EZH1: variants seen among roughly 807,000 people sequenced by gnomAD.
EZH1 encodes histone-lysine N-methyltransferase EZH1.
In EZH1, 33 loss-of-function variants were observed where a neutral mutation model predicts 100.5. The observed-to-expected ratio is 0.33, with a 90% CI of 0.25 to 0.44. The LOEUF (loss-of-function observed/expected upper bound fraction) is 0.44. Ranked by LOEUF, EZH1 falls within the 20% of genes least tolerant of loss-of-function variation. The pLI is 1.00. For missense variants in EZH1, 475 were observed against 928.4 expected, an observed-to-expected ratio of 0.51 and a Z score of 6.35; for synonymous variants, 272 against 313.8, an observed-to-expected ratio of 0.87 and a Z score of 1.41.
intron 2 of EZH1, among the ~76,000 whole-genome samples, chr17:42,730,557 C>T (rs1034332604): frequency 1.7e-5 from 2 of 115,666 alleles, no homozygotes; most frequent in Non-Finnish European, 1.6e-5. Flanking sequence ...AGTGCAGTGG[C>T]GCGATCTCGG....
intron 1 of EZH1, among the ~76,000 whole-genome samples, chr17:42,741,543 C>A (rs1366699324): frequency 1.3e-5 from 2 of 152,034 alleles, no homozygotes; most frequent in Non-Finnish European, 2.9e-5. Flanking sequence ...TAATCTAAGA[C>A]CAGAAAAAGA....
chr17:42,736,178 C>T (rs909013003), intron 1 of EZH1, among the ~76,000 whole-genome samples: 3 of 152,136 alleles, frequency 2.0e-5, no homozygotes, highest in African/African-American at 4.8e-5. Context: ...TTGGTGAGGA[C>T]GTGAAGCAAC....
intron 1 of EZH1, among the ~76,000 whole-genome samples, chr17:42,737,917 C>G (rs141327888): frequency 1.3e-5 from 2 of 152,216 alleles, no homozygotes; most frequent in East Asian, 3.9e-4. Flanking sequence ...TGGCTCACGC[C>G]TGCAATCACA....
At chr17:42,707,025 C>T (rs2053367757) in intron 15 of EZH1, among the ~76,000 whole-genome samples, 1 of 152,120 alleles carries the variant, frequency 6.6e-6, no homozygotes, top group South Asian at 2.1e-4. Context: ...TGCCATCAAA[C>T]TGCTCAGCTT....
intron 1 of EZH1, among the ~76,000 whole-genome samples, chr17:42,739,370 C>A (rs1202131800): frequency 6.6e-6 from 1 of 152,158 alleles, no homozygotes; most frequent in Non-Finnish European, 1.5e-5. Context: ...CTAACAGGAA[C>A]CTGTGACTCT....
chr17:42,713,163 A>G, intron 11 of EZH1, 46 bp downstream of exon 11: 1 of 1,583,886 alleles, frequency 6.3e-7, no homozygotes, highest in Non-Finnish European at 8.6e-7. Flanking sequence ...GGTTTACCAG[A>G]GTCCTTGCAT....
In EZH1 at chr17:42,713,341, A is replaced by C. The variant is rs987962156; in HGVS notation, c.1072T>G (p.Ser358Ala). 46 of 1,611,608 alleles carry C rather than the reference A, an allele frequency of 2.9e-5. No individual in the cohort carries two copies. Among genetic ancestry groups the C allele is most frequent in the Non-Finnish European group, 3.7e-5 (44 of 1,177,970 alleles). Residue 358 changes from serine to alanine, a missense_variant, in exon 11 of 21, where the codon TCT becomes GCT. Coordinates refer to ENST00000428826, the MANE Select transcript of EZH1 (RefSeq NM_001991.5). Reference sequence around the variant, plus strand: ...TGGTGCCTTCTCCGGCGACGACCAGAGCACTTGGAGCGGGGGTTGTGGAGC... The same window carrying C: ...TGGTGCCTTCTCCGGCGACGACCAGCGCACTTGGAGCGGGGGTTGTGGAGC... ...AMLHNPRSKC[S>A]GRRRRRHHIV...
At chr17:42,703,458 G>C (rs1040985149) in intron 19 of EZH1, 1 of 397,426 alleles carries the variant, frequency 2.5e-6, no homozygotes. Context: ...GATTACAGGC[G>C]TAAGCCACCA....
intron 14 of EZH1, 151 bp downstream of exon 14, chr17:42,708,725 A>C: frequency 1.2e-6 from 1 of 810,628 alleles, no homozygotes; most frequent in Non-Finnish European, 2.1e-6. Context: ...AGTTGCAGTG[A>C]GAGGCTCAGC....
At chr17:42,708,163 A>G (rs763598141) in intron 14 of EZH1, 80 bp from the exon 15 acceptor site, 2 of 1,488,164 alleles carry the variant, frequency 1.3e-6, no homozygotes, top group Non-Finnish European at 1.8e-6. Flanking sequence ...AGCTGCCCTG[A>G]TTCAGAGGAG....
intron 20 of EZH1, 51 bp downstream of exon 20, chr17:42,702,826 A>G (rs1426997671): frequency 6.3e-7 from 1 of 1,588,234 alleles, no homozygotes; most frequent in South Asian, 1.1e-5. Context: ...TCCAACAGCC[A>G]CTCTTTCCAA....
At chr17:42,743,041 T>A (rs1017998652) in intron 1 of EZH1, among the ~76,000 whole-genome samples, 1 of 152,066 alleles carries the variant, frequency 6.6e-6, no homozygotes, top group East Asian at 1.9e-4. Context: ...AGCTAATTCT[T>A]GTATTTTTGT....
At chr17:42,736,632 C>T (rs1393683253) in intron 1 of EZH1, among the ~76,000 whole-genome samples, 4 of 152,086 alleles carry the variant, frequency 2.6e-5, no homozygotes, top group Admixed American at 6.6e-5. Flanking sequence ...ATCAGGAGTT[C>T]GAGACCAGCC....
intron 20 of EZH1, 22 bp downstream of exon 20, chr17:42,702,855 A>C: frequency 6.2e-7 from 1 of 1,612,754 alleles, no homozygotes. Context: ...CCACATCCCA[A>C]GGACCATTAC....
intron 12 of EZH1, 104 bp from the exon 13 acceptor site, chr17:42,710,041 C>G: frequency 1.1e-6 from 1 of 882,770 alleles, no homozygotes; most frequent in Non-Finnish European, 1.9e-6. Flanking sequence ...ACTCAGGCAG[C>G]TGACCAAGCC....
chr17:42,739,456 G>GT (rs1374426375), intron 1 of EZH1, among the ~76,000 whole-genome samples: 2 of 152,118 alleles, frequency 1.3e-5, no homozygotes, highest in East Asian at 3.9e-4. Flanking sequence ...GATCAGCTGG[G>GT]TGCAGTAGCT....
chr17:42,733,393 G>C (rs1568005196), intron 1 of EZH1, among the ~76,000 whole-genome samples: 1 of 150,712 alleles, frequency 6.6e-6, no homozygotes, highest in East Asian at 2.0e-4. Context: ...ATCCCAGCCA[G>C]CACTTTGGGT....
At chr17:42,715,623 AG>A (rs2053587363) in intron 10 of EZH1, among the ~76,000 whole-genome samples, 1 of 152,182 alleles carries the variant, frequency 6.6e-6, no homozygotes, top group African/African-American at 2.4e-5. Flanking sequence ...AGGAGACAGA[AG>A]AACACAGAAA....
chr17:42,717,133 T>A (rs1487045736), intron 10 of EZH1, among the ~76,000 whole-genome samples: 1 of 152,156 alleles, frequency 6.6e-6, no homozygotes, highest in Non-Finnish European at 1.5e-5. Context: ...TTCCTCTACC[T>A]CATGACACTG....
Sources: gnomAD v4.1 joint callset for allele counts (sites outside exome capture counted in the v4.1 genomes callset) on GRCh38, gnomAD v4.1.1 for gene constraint, MANE v1.5 for transcripts, NCBI Gene and HGNC (gene_info 2026-07-23, HGNC 2026-07-21) for gene names.